INPP4B: variants seen among roughly 807,000 people sequenced by gnomAD.
INPP4B encodes inositol polyphosphate 4-phosphatase type II.
INPP4B carries 55 observed loss-of-function variants against 122.5 expected under a neutral mutation model. The ratio of observed to expected loss-of-function variants is 0.45; its 90% CI spans 0.36 to 0.56. The LOEUF (loss-of-function observed/expected upper bound fraction) is 0.56. Among genes scored for constraint, INPP4B ranks in the 20% least tolerant of loss-of-function variants. The pLI is 0.00. For synonymous variants in INPP4B, 403 were observed against 388.7 expected (o/e 1.04, Z -0.43); for missense variants, 1,000 against 1,097.7 (o/e 0.91, Z 1.26).
chr4:142,108,766 AAG>A (rs1207082634), intron 22 of INPP4B, among the ~76,000 whole-genome samples: 2 of 152,146 alleles, frequency 1.3e-5, no homozygotes, highest in African/African-American at 4.8e-5. Flanking sequence ...GTCTTCCACC[AAG>A]AGGTGTCAAG....
At chr4:142,302,835 G>A (rs1761983172) in intron 9 of INPP4B, among the ~76,000 whole-genome samples, 1 of 152,036 alleles carries the variant, frequency 6.6e-6, no homozygotes, top group South Asian at 2.1e-4. Flanking sequence ...ACTACCAAAT[G>A]CACAGTAGTG....
At chr4:142,069,619 C>T (rs1393517422) in intron 25 of INPP4B, among the ~76,000 whole-genome samples, 1 of 152,050 alleles carries the variant, frequency 6.6e-6, no homozygotes, top group African/African-American at 2.4e-5. Context: ...AGAGAAGAAT[C>T]AAATAGATGC....
chr4:142,740,529 T>C (rs1767752796), intron 1 of INPP4B, among the ~76,000 whole-genome samples: 1 of 152,002 alleles, frequency 6.6e-6, no homozygotes, highest in Non-Finnish European at 1.5e-5. Flanking sequence ...AACATCCTAG[T>C]GCAAAAATTA....
intron 7 of INPP4B, among the ~76,000 whole-genome samples, chr4:142,381,700 C>A (rs930378238): frequency 3.3e-5 from 5 of 152,150 alleles, no homozygotes; most frequent in Admixed American, 2.6e-4. Flanking sequence ...CTTAAATAAT[C>A]CAAATGAAGT....
At chr4:142,043,467 A>T (rs1749420419) in intron 25 of INPP4B, among the ~76,000 whole-genome samples, 1 of 152,144 alleles carries the variant, frequency 6.6e-6, no homozygotes, top group African/African-American at 2.4e-5. Flanking sequence ...TTCTTAGAGA[A>T]ACAGAATGTT....
At chr4:142,437,224 A>G (rs1241331365) in intron 3 of INPP4B, among the ~76,000 whole-genome samples, 1 of 152,070 alleles carries the variant, frequency 6.6e-6, no homozygotes, top group Non-Finnish European at 1.5e-5. Flanking sequence ...AAAAGAATGA[A>G]AAGGAACCAA....
chr4:142,788,524 T>C (rs1263644840), intron 1 of INPP4B, among the ~76,000 whole-genome samples: 2 of 152,058 alleles, frequency 1.3e-5, no homozygotes, highest in Non-Finnish European at 2.9e-5. Flanking sequence ...GTTACATGAG[T>C]TAGTACTTCA....
At chr4:142,695,623 T>C (rs769893164) in intron 2 of INPP4B, among the ~76,000 whole-genome samples, 2 of 152,140 alleles carry the variant, frequency 1.3e-5, no homozygotes, top group Non-Finnish European at 2.9e-5. Context: ...AAAAATAAGA[T>C]GTTCCATCAT....
chr4:142,598,100 C>A (rs76215717), intron 2 of INPP4B, among the ~76,000 whole-genome samples: 3,644 of 152,214 alleles, frequency 0.024, 55 homozygotes, highest in Middle Eastern at 0.088. Context: ...TAGAGTCCAA[C>A]AGAGAACTCA....
intron 2 of INPP4B, among the ~76,000 whole-genome samples, chr4:142,689,008 G>A (rs772840944): frequency 2.0e-5 from 3 of 152,002 alleles, no homozygotes; most frequent in South Asian, 4.2e-4. Flanking sequence ...GACCAATAGC[G>A]CTCCCCATTT....
rs566936198 is a variant in INPP4B at position 142,732,350 on chromosome 4, T to TA, written c.-253-6450dup. Among the ~76,000 whole-genome samples, 339 of 152,066 alleles carry TA rather than the reference T, an allele frequency of 2.2e-3. 1 individual carries two copies. Among genetic ancestry groups the TA allele is most frequent in the Non-Finnish European group, 8.2e-4 (56 of 67,942 alleles). Reference sequence around the variant, plus strand: ...TTATTATTCAATTAATATTTTAAAATAAAAATTCCAATTTTATTTTCACTA... The same window carrying TA: ...TTATTATTCAATTAATATTTTAAAATAAAAAATTCCAATTTTATTTTCACTA... On this transcript the variant is annotated intron_variant, in intron 1 of 25. Transcript: ENST00000262992.
chr4:142,112,817 CTCAT>C (rs1790899023), intron 21 of INPP4B, 135 bp from the exon 22 acceptor site: 3 of 659,944 alleles, frequency 4.5e-6, no homozygotes, highest in Non-Finnish European at 7.3e-6. Flanking sequence ...GCTTATATTC[CTCAT>C]TCATTCATCT....
intron 2 of INPP4B, among the ~76,000 whole-genome samples, chr4:142,687,304 C>A (rs1035739437): frequency 6.6e-6 from 1 of 151,852 alleles, no homozygotes; most frequent in Middle Eastern, 3.2e-3. Flanking sequence ...TGCTTCAGAG[C>A]GCTTTTAAAA....
intron 2 of INPP4B, among the ~76,000 whole-genome samples, chr4:142,656,242 G>A (rs1442517623): frequency 6.6e-6 from 1 of 152,188 alleles, no homozygotes; most frequent in Non-Finnish European, 1.5e-5. Context: ...ATAGAACCCT[G>A]TTTTGCTCAC....
At chr4:142,590,894 A>C (rs577867155) in intron 2 of INPP4B, among the ~76,000 whole-genome samples, 5 of 150,360 alleles carry the variant, frequency 3.3e-5, no homozygotes, top group African/African-American at 1.2e-4. Context: ...AAAAAAAAAA[A>C]AAAAAACAAA....
In INPP4B at chr4:142,102,732, G is replaced by A. The variant is rs531026849; in HGVS notation, c.2374+5361C>T. Among the ~76,000 whole-genome samples the A allele has an allele frequency of 9.2e-5, 14 of 152,126 alleles. 1 individual carries two copies. In the South Asian group the frequency reaches 2.9e-3, roughly 32 times the overall value. ...CATTTACAGTCTCTACATCATATGA[G>A]AGGCCTAGTCCTCTTCTGTCTTACG... is the stretch of plus-strand genomic sequence containing the variant. On this transcript the variant is annotated intron_variant, in intron 23 of 25. Transcript: ENST00000262992.
At chr4:142,387,689 C>T (rs551114183) in intron 7 of INPP4B, among the ~76,000 whole-genome samples, 9 of 152,170 alleles carry the variant, frequency 5.9e-5, no homozygotes, top group African/African-American at 2.2e-4. Flanking sequence ...TGGTAAAAAT[C>T]ATGGTTTATA....
intron 14 of INPP4B, among the ~76,000 whole-genome samples, chr4:142,205,827 T>C (rs1280314054): frequency 1.3e-5 from 2 of 152,174 alleles, no homozygotes; most frequent in Non-Finnish European, 2.9e-5. Context: ...TTAAGTATTT[T>C]AGCTTCTTTA....
chr4:142,259,615 A>G (rs910635525), intron 11 of INPP4B, among the ~76,000 whole-genome samples: 29 of 151,288 alleles, frequency 1.9e-4, no homozygotes, highest in Non-Finnish European at 3.2e-4. Flanking sequence ...TAATAAATTA[A>G]CCTAGGATTA....
Sources: gnomAD v4.1 joint callset for allele counts (sites outside exome capture counted in the v4.1 genomes callset) on GRCh38, gnomAD v4.1.1 for gene constraint, MANE v1.5 for transcripts, NCBI Gene and HGNC (gene_info 2026-07-23, HGNC 2026-07-21) for gene names.